The following ENOX1 variants were observed in gnomAD, a reference collection of about 807,000 sequenced individuals.
ENOX1 encodes ecto-NOX disulfide-thiol exchanger 1, also known as candidate growth-related and time keeping constitutive hydroquinone (NADH) oxidase.
Under a neutral mutation model 82.5 loss-of-function variants are expected in ENOX1, and 42 were observed. The observed-to-expected ratio is 0.51, with a 90% CI of 0.40 to 0.66. The LOEUF (loss-of-function observed/expected upper bound fraction) is 0.66. Ranked by LOEUF, ENOX1 falls within the 30% of genes least tolerant of loss-of-function variation. The probability of loss-of-function intolerance (pLI) is 0.00; values close to 1 mark genes in which losing one functional copy is unlikely to be tolerated. For synonymous variants in ENOX1, 271 were observed against 282.2 expected (o/e 0.96, Z 0.40); for missense variants, 608 against 811.6 (o/e 0.75, Z 3.05).
At position 43,235,894 on chromosome 13, in the gene ENOX1, G is replaced by A. The variant is rs2042525025; in HGVS notation, c.1714+742C>T. 2.0e-5 allele frequency among the ~76,000 whole-genome samples: 3 copies of A among 152,180 alleles called. No individual in the cohort carries two copies. The South Asian group carries it at 6.2e-4, about 32-fold the overall frequency. ...AACCCCACACTGGGGTCAGTGCCAA[G>A]GTGCAGCTTGAATCAGTTCTGTGCA... On this transcript the variant is annotated intron_variant, in intron 15 of 16. Transcript: ENST00000690772.
intron 2 of ENOX1, among the ~76,000 whole-genome samples, chr13:43,596,617 C>G (rs1261692012): frequency 1.3e-5 from 2 of 152,192 alleles, no homozygotes; most frequent in Admixed American, 1.3e-4. Flanking sequence ...AGCATCCTTT[C>G]TGTGTGTTCA....
At chr13:43,335,792 A>G (rs930908833) in intron 9 of ENOX1, among the ~76,000 whole-genome samples, 8 of 151,712 alleles carry the variant, frequency 5.3e-5, no homozygotes, top group Non-Finnish European at 1.2e-4. Flanking sequence ...AAGAAAAGAA[A>G]AAAAAGACTC....
chr13:43,531,574 G>A (rs2153688505), intron 2 of ENOX1, among the ~76,000 whole-genome samples: 1 of 147,618 alleles, frequency 6.8e-6, no homozygotes, highest in Admixed American at 6.9e-5. Context: ...CCATTACTGG[G>A]TATATACCCA....
chr13:43,331,476 C>T (rs1294533371), intron 9 of ENOX1, among the ~76,000 whole-genome samples: 1 of 152,176 alleles, frequency 6.6e-6, no homozygotes, highest in Non-Finnish European at 1.5e-5. Context: ...AGAGCCTCAA[C>T]TCTGCAGGGT....
intron 15 of ENOX1, among the ~76,000 whole-genome samples, chr13:43,227,950 C>A (rs1254808122): frequency 6.6e-6 from 1 of 152,114 alleles, no homozygotes; most frequent in Non-Finnish European, 1.5e-5. Context: ...CCTCAGCCCA[C>A]CTCCCACTCC....
chr13:43,590,187 G>A (rs1566588143), intron 2 of ENOX1, among the ~76,000 whole-genome samples: 2 of 151,730 alleles, frequency 1.3e-5, no homozygotes, highest in South Asian at 2.1e-4. Flanking sequence ...AAATAAAAAA[G>A]AAAGCTTTTG....
chr13:43,428,527 C>T (rs778242670), intron 3 of ENOX1, among the ~76,000 whole-genome samples: 9 of 152,162 alleles, frequency 5.9e-5, no homozygotes, highest in Non-Finnish European at 1.3e-4. Context: ...GTGAGTGAGG[C>T]GGATGGCAAA....
chr13:43,654,545 G>A (rs963073605), intron 2 of ENOX1, among the ~76,000 whole-genome samples: 2 of 152,180 alleles, frequency 1.3e-5, no homozygotes, highest in Non-Finnish European at 2.9e-5. Flanking sequence ...CATTCTGGTG[G>A]ATGGGTAAGT....
At chr13:43,723,515 G>A (rs561732111) in intron 1 of ENOX1, among the ~76,000 whole-genome samples, 62 of 152,078 alleles carry the variant, frequency 4.1e-4, no homozygotes, top group Non-Finnish European at 6.6e-4. Context: ...GACTCTATCC[G>A]CTATTCCTAA....
chr13:43,452,077 G>A (rs989528503), intron 3 of ENOX1, among the ~76,000 whole-genome samples: 21 of 151,998 alleles, frequency 1.4e-4, no homozygotes, highest in African/African-American at 3.9e-4. Flanking sequence ...TTAACAGTAC[G>A]TATTAAATGC....
intron 1 of ENOX1, among the ~76,000 whole-genome samples, chr13:43,671,508 A>G (rs989383648): frequency 2.6e-5 from 4 of 152,166 alleles, no homozygotes; most frequent in African/African-American, 9.7e-5. Flanking sequence ...AAATTAGTCA[A>G]TCCCTCTATT....
intron 7 of ENOX1, 71 bp from the exon 8 acceptor site, chr13:43,356,223 G>A (rs2050148286): frequency 1.5e-6 from 2 of 1,317,772 alleles, no homozygotes; most frequent in East Asian, 4.8e-5. Context: ...GACCTTCAAG[G>A]CACGCTTAGG....
chr13:43,301,311 T>C (rs544399880), intron 11 of ENOX1, among the ~76,000 whole-genome samples: 1 of 152,346 alleles, frequency 6.6e-6, no homozygotes, highest in South Asian at 2.1e-4. Flanking sequence ...CTGAAATCTG[T>C]ATAGCAAAAT....
chr13:43,684,880 C>T (rs1452631020), intron 1 of ENOX1, among the ~76,000 whole-genome samples: 1 of 152,102 alleles, frequency 6.6e-6, no homozygotes, highest in African/African-American at 2.4e-5. Context: ...ATATGTTATA[C>T]TCAGTCAAAT....
chr13:43,741,142 T>C (rs1479507409), intron 1 of ENOX1, among the ~76,000 whole-genome samples: 1 of 150,324 alleles, frequency 6.7e-6, no homozygotes, highest in Non-Finnish European at 1.5e-5. Context: ...TGGAGTGCAA[T>C]GGCGTGATCT....
rs371824797 is a variant in ENOX1 at position 43,356,106 on chromosome 13, G to C, written c.636C>G (p.Gly212=). ...CCTGGGCAAAGTCCACATGAAGGCG[G>C]CCTGAATCCTTTTTGTCGGTGCTAG... The part of the protein sequence containing the change: ...LGSSTDKKDS[G]RLHVDFAQAR... The change falls in exon 8 of 17, where the codon GGC becomes GGG. Residue 212 remains glycine (G), a synonymous_variant. Coordinates refer to ENST00000690772, the MANE Select transcript of ENOX1 (RefSeq NM_001347969.2). 17 of 1,614,022 alleles carry C rather than the reference G, an allele frequency of 1.1e-5. No individual in the cohort carries two copies. Among genetic ancestry groups the C allele is most frequent in the Middle Eastern group, 1.6e-4 (1 of 6,078 alleles).
At chr13:43,594,556 T>C (rs2081378585) in intron 2 of ENOX1, among the ~76,000 whole-genome samples, 1 of 152,176 alleles carries the variant, frequency 6.6e-6, no homozygotes, top group South Asian at 2.1e-4. Context: ...ATCTTTGGTT[T>C]ATATATAGGT....
intron 11 of ENOX1, among the ~76,000 whole-genome samples, chr13:43,306,851 AT>A (rs2046899258): frequency 2.0e-5 from 3 of 152,186 alleles, no homozygotes; most frequent in African/African-American, 7.2e-5. Context: ...ACACACAGTT[AT>A]ATTAGTATTT....
At chr13:43,352,399 C>A (rs1205372904) in intron 8 of ENOX1, among the ~76,000 whole-genome samples, 2 of 152,222 alleles carry the variant, frequency 1.3e-5, no homozygotes, top group African/African-American at 4.8e-5. Flanking sequence ...AGAATATAAT[C>A]CTTCCTCACT....
Sources: allele counts gnomAD v4.1 joint callset (sites outside exome capture counted in the v4.1 genomes callset), GRCh38; gene constraint gnomAD v4.1.1; transcripts MANE v1.5; gene names NCBI Gene and HGNC (gene_info 2026-07-23, HGNC 2026-07-21).